Variants in UBAP2 observed in about 807,000 individuals in gnomAD.
UBAP2 encodes the protein ubiquitin-associated protein 2.
In UBAP2, 75 loss-of-function variants were observed where a neutral mutation model predicts 139.6. That is an observed-to-expected ratio of 0.54 (90% CI 0.45 to 0.65). The LOEUF is 0.65. Among genes scored for constraint, UBAP2 ranks in the 30% least tolerant of loss-of-function variants. The pLI is 0.00. For missense variants in UBAP2, 1,368 were observed against 1,369.6 expected (o/e 1.00, Z 0.02); for synonymous variants, 526 against 526.2 (o/e 1.00, Z 0.01).
intron 15 of UBAP2, 39 bp downstream of exon 15, chr9:33,943,381 G>C (rs1033604149): frequency 5.0e-6 from 8 of 1,600,108 alleles, no homozygotes; most frequent in Non-Finnish European, 6.8e-6. Context: ...TCTCTCTTAG[G>C]GTCTATTTTG....
rs941936929 is a variant in UBAP2, at chr9:34,017,253, A to T, written c.-41-64T>A. ...TAAAAGATAAGCATGTACTTCAGAG[A>T]AAACAAGGACACTTACAATAAAAGA... On this transcript the variant is annotated intron_variant, in intron 1 of 28. Coordinates refer to ENST00000379238, the MANE Select transcript of UBAP2 (RefSeq NM_001370062.2). The T allele has an allele frequency of 1.6e-5, 11 of 669,260 alleles. No individual in the cohort carries two copies. In the African/African-American group the frequency reaches 2.1e-4, roughly 13 times the overall value. 41.5% of individuals were successfully genotyped at this position (669,260 alleles called of 1,614,324 possible).
At chr9:33,948,289 C>A in intron 13 of UBAP2, 85 bp downstream of exon 13, 1 of 1,232,610 alleles carries the variant, frequency 8.1e-7, no homozygotes, top group Non-Finnish European at 1.1e-6. Context: ...GGACAAATTC[C>A]ACATTAGTCT....
chr9:33,992,793 C>T (rs1464980551), intron 4 of UBAP2, among the ~76,000 whole-genome samples: 1 of 152,044 alleles, frequency 6.6e-6, no homozygotes. Context: ...AAAAAGTTAA[C>T]CAAGTAATTA....
intron 2 of UBAP2, among the ~76,000 whole-genome samples, chr9:34,009,412 T>C (rs1823546691): frequency 6.6e-6 from 1 of 152,034 alleles, no homozygotes; most frequent in Admixed American, 6.6e-5. Context: ...AAGGTTTTTT[T>C]CTTATAAATT....
chr9:34,017,388 G>A (rs1034590519), intron 1 of UBAP2, among the ~76,000 whole-genome samples, 199 bp from the exon 2 acceptor site: 7 of 152,048 alleles, frequency 4.6e-5, no homozygotes, highest in African/African-American at 1.7e-4. Context: ...TATGGTTTAC[G>A]AGCTTAGCAA....
intron 8 of UBAP2, among the ~76,000 whole-genome samples, chr9:33,970,153 C>T (rs1310295946): frequency 4.4e-3 from 652 of 149,812 alleles, no homozygotes; most frequent in Non-Finnish European, 7.2e-3. Context: ...AGGCTGGTCT[C>T]AAACTCCTGA....
intron 3 of UBAP2, chr9:33,998,082 T>G (rs1364156011): frequency 6.6e-6 from 1 of 152,212 alleles, no homozygotes; most frequent in Non-Finnish European, 1.5e-5. Flanking sequence ...AATTTTATAC[T>G]TTTCCAACAA....
intron 1 of UBAP2, among the ~76,000 whole-genome samples, chr9:34,043,556 G>A (rs2131377783): frequency 6.6e-6 from 1 of 151,306 alleles, no homozygotes; most frequent in Middle Eastern, 3.4e-3. Context: ...CACCCAAGCT[G>A]GAGTGCAATG....
chr9:33,933,093 C>T (rs985296415), intron 18 of UBAP2, among the ~76,000 whole-genome samples: 1 of 152,206 alleles, frequency 6.6e-6, no homozygotes, highest in African/African-American at 2.4e-5. Context: ...CTAATAACAT[C>T]GTTTCTTCAG....
At chr9:34,004,065 G>A (rs1822965485) in intron 2 of UBAP2, among the ~76,000 whole-genome samples, 1 of 152,068 alleles carries the variant, frequency 6.6e-6, no homozygotes, top group Non-Finnish European at 1.5e-5. Context: ...TAAAACTATA[G>A]GGTCAAAGAA....
intron 1 of UBAP2, among the ~76,000 whole-genome samples, chr9:34,047,464 A>C (rs549602898): frequency 6.7e-6 from 1 of 149,824 alleles, no homozygotes; most frequent in Non-Finnish European, 1.5e-5. Context: ...GATACGGGAG[A>C]GCTTAGGTAT....
chr9:33,981,841 GGGAAAGGGA>G (rs1318808069), intron 6 of UBAP2, among the ~76,000 whole-genome samples: 11 of 135,586 alleles, frequency 8.1e-5, no homozygotes, highest in African/African-American at 3.2e-4. Flanking sequence ...GAGGGAAGGG[GGGAAAGGGA>G]GGGAGGGAAG....
At chr9:34,012,558 T>C (rs1218488294) in intron 2 of UBAP2, among the ~76,000 whole-genome samples, 2 of 149,086 alleles carry the variant, frequency 1.3e-5, no homozygotes, top group South Asian at 2.1e-4. Context: ...ATGAGGACCA[T>C]TGAAAAAATA....
intron 22 of UBAP2, 33 bp from the exon 23 acceptor site, chr9:33,924,317 T>A: frequency 6.3e-7 from 1 of 1,596,896 alleles, no homozygotes; most frequent in Non-Finnish European, 8.6e-7. Context: ...GATCAGCGAC[T>A]GGCCCTGCTT....
At chr9:33,954,707 TA>T (rs762535268) in intron 11 of UBAP2, among the ~76,000 whole-genome samples, 4 of 151,202 alleles carry the variant, frequency 2.6e-5, no homozygotes, top group Non-Finnish European at 5.9e-5. Context: ...ATGATCCCAG[TA>T]AATTCACTGA....
rs1554682975 is a variant in UBAP2, at chr9:33,954,301, C to CACAT, written c.867-828_867-827insATGT. Among the ~76,000 whole-genome samples, 256 of 146,738 alleles carry CACAT rather than the reference C, an allele frequency of 1.7e-3. 2 individuals carry two copies. The highest frequency in any genetic ancestry group is 6.8e-3 in the Middle Eastern group (2 of 292). ...ACACACACACACACACACACACACA[C>CACAT]GCCCATATAATTTTATCTTTAAAAT... On this transcript the variant is annotated intron_variant, in intron 11 of 28. Transcript: ENST00000379238.
At position 33,995,274 on chromosome 9, in the gene UBAP2, T is replaced by C. The variant is rs1310285956; in HGVS notation, c.288+949A>G. 2.0e-5 allele frequency: 3 copies of C among 150,954 alleles called. No homozygotes were observed. The Admixed American group carries it at 2.0e-4, about 10-fold the overall frequency. The allele number at this position is 150,954 out of a possible 1,614,324, so 9.4% of individuals were successfully genotyped here. The stretch of plus-strand genomic sequence containing the variant: ...TGGGAGGCTGAGGCAAAAGAATCAC[T>C]TGAACCCAGGAGACGGAGGTTGCAG... On this transcript the variant is annotated intron_variant, in intron 4 of 28. Transcript: ENST00000379238.
In UBAP2 at chr9:33,922,675, C is replaced by CA; in HGVS notation, c.3264+11dup. 1 of 1,569,532 alleles carries CA rather than the reference C, an allele frequency of 6.4e-7. No homozygotes were observed. The highest frequency in any genetic ancestry group is 8.6e-7 in the Non-Finnish European group (1 of 1,158,444). On this transcript the variant is annotated intron_variant, in intron 28 of 28. Transcript: ENST00000379238. ...CCCAGAGTAGGGTGGCTGCCTCCAT[C>CA]ACTGTACTCACCTGTGCATCCTGCG...
At chr9:33,986,390 T>C (rs1821215519) in intron 6 of UBAP2, among the ~76,000 whole-genome samples, 1 of 152,180 alleles carries the variant, frequency 6.6e-6, no homozygotes, top group Non-Finnish European at 1.5e-5. Context: ...AGACTACAAC[T>C]CACTGAAAGC....
Sources: gnomAD v4.1 joint callset for allele counts (sites outside exome capture counted in the v4.1 genomes callset) on GRCh38, gnomAD v4.1.1 for gene constraint, MANE v1.5 for transcripts, NCBI Gene and HGNC (gene_info 2026-07-23, HGNC 2026-07-21) for gene names.